Variants in SAMD9L observed in about 807,000 individuals in gnomAD.
SAMD9L encodes sterile alpha motif domain-containing protein 9-like.
A neutral mutation model predicts 90.7 loss-of-function variants in SAMD9L; 68 were observed. The ratio of observed to expected loss-of-function variants is 0.75; its 90% CI spans 0.62 to 0.92. The LOEUF is 0.92. Ranked by LOEUF, SAMD9L falls within the 40% of genes least tolerant of loss-of-function variation. The probability of loss-of-function intolerance (pLI) is 0.00; values close to 1 mark genes in which losing one functional copy is unlikely to be tolerated. For synonymous variants in SAMD9L, 640 were observed against 630.1 expected (o/e 1.02, Z -0.23); for missense variants, 1,604 against 1,824.3 (o/e 0.88, Z 2.20).
intron 4 of SAMD9L, 49 bp from the exon 5 acceptor site, chr7:93,136,040 A>C: frequency 1.6e-6 from 2 of 1,219,810 alleles, no homozygotes; most frequent in Non-Finnish European, 2.2e-6. Context: ...CTTTATTTTT[A>C]AAATCACATA....
Position 93,135,063 on chromosome 7 carries a change from A to T in SAMD9L, c.909T>A (p.Phe303Leu), listed in dbSNP as rs759954164. ...TTGGAATAGTATCAACTTCAATGACAAATCTGTCAGATGGTGTATTGTTCT... is the reference window on the plus strand; with the variant it reads ...TTGGAATAGTATCAACTTCAATGACTAATCTGTCAGATGGTGTATTGTTCT... ...LLQNNTPSDRFVIEVDTIPKH... is the reference protein window; with the variant it reads ...LLQNNTPSDRLVIEVDTIPKH... The change falls in exon 5 of 5, where the codon TTT (phenylalanine) becomes TTA (leucine). Residue 303 changes from phenylalanine to leucine, a missense_variant. Transcript: ENST00000318238. The T allele has an allele frequency of 6.2e-7, 1 of 1,613,380 alleles. No individual in the cohort carries two copies.
rs2116488790 is a variant in SAMD9L, at chr7:93,133,638, T to C, written c.2334A>G (p.Ala778=). Residue 778 remains alanine, a synonymous_variant, in exon 5 of 5, where the codon GCA becomes GCG. Transcript: ENST00000318238. ...KNKTTDFAEI[A]EQVINLVTYR... ...AGGTGACCAGATTGATCACTTGCTC[T>C]GCAATTTCTGCAAAATCAGTTGTCT... 6.2e-7 allele frequency: 1 copy of C among 1,613,622 alleles called. No individual in the cohort carries two copies. Among genetic ancestry groups the C allele is most frequent in the Non-Finnish European group, 8.5e-7 (1 of 1,179,796 alleles).
intron 4 of SAMD9L, among the ~76,000 whole-genome samples, chr7:93,137,756 T>A (rs1218998713): frequency 1.7e-4 from 18 of 105,768 alleles, no homozygotes; most frequent in African/African-American, 3.0e-4. Context: ...TTTTTTTTTT[T>A]AATTTAATGT....
At position 93,133,724 on chromosome 7, in the gene SAMD9L, G is replaced by C. The variant is rs1792261982; in HGVS notation, c.2248C>G (p.Leu750Val). 1 of 1,613,504 alleles carries C rather than the reference G, an allele frequency of 6.2e-7. No homozygotes were observed. Among genetic ancestry groups the C allele is most frequent in the Non-Finnish European group, 8.5e-7 (1 of 1,179,840 alleles). ...AAGTCCCAGAGAACATGCATAGCCA[G>C]TGTGGTACCTCCACAGCCTGGATGA... The part of the protein sequence containing the change: ...YHHPGCGGTT[L>V]AMHVLWDLKK... Residue 750 changes from leucine to valine, a missense_variant, in exon 5 of 5, where the codon CTG becomes GTG. Leu to Val is a conservative substitution (Grantham distance 32). Coordinates refer to ENST00000318238, the MANE Select transcript of SAMD9L (RefSeq NM_152703.5).
intron 1 of SAMD9L, 138 bp from the exon 2 acceptor site, chr7:93,147,284 CCTTGA>C (rs745822450): frequency 5.9e-5 from 9 of 152,276 alleles, no homozygotes; most frequent in Middle Eastern, 3.4e-3. Flanking sequence ...TTTGTGATTG[CCTTGA>C]CTTAAGTCTT....
chr7:93,142,694 G>A (rs188024923), intron 4 of SAMD9L, among the ~76,000 whole-genome samples: 3 of 152,168 alleles, frequency 2.0e-5, no homozygotes, highest in Admixed American at 6.5e-5. Context: ...TAGGTCCTCA[G>A]TAAGCCAGAA....
chr7:93,132,420 C>T lies in SAMD9L; in HGVS notation c.3552G>A (p.Lys1184=), dbSNP rs778963337. The change falls in exon 5 of 5, where the codon AAG becomes AAA. Residue 1184 remains lysine (K), a synonymous_variant. Coordinates refer to ENST00000318238, the MANE Select transcript of SAMD9L (RefSeq NM_152703.5). ...TATACATGTCATATCGTCTCTGGGA[C>T]TTCTGTGGTGACCAGTTCTCGGTTT... is the stretch of plus-strand genomic sequence containing the variant. ...NYETENWSPQ[K]SQRRYDMYNT... is the part of the protein sequence containing the mutation. 2 of 1,613,572 alleles carry T rather than the reference C, an allele frequency of 1.2e-6. No individual in the cohort carries two copies. Among genetic ancestry groups the T allele is most frequent in the African/African-American group, 2.7e-5 (2 of 74,882 alleles).
chr7:93,132,947 A>C lies in SAMD9L; in HGVS notation c.3025T>G (p.Cys1009Gly), dbSNP rs754107250. 3.3e-5 allele frequency: 54 copies of C among 1,613,412 alleles called. No individual in the cohort carries two copies. The highest frequency in any genetic ancestry group is 3.6e-5 in the Non-Finnish European group (42 of 1,179,740). The change falls in exon 5 of 5, where the codon TGT (cysteine) becomes GGT (glycine). Residue 1009 changes from cysteine to glycine, a missense_variant. Around this residue, in one of 7 missense-constraint regions of SAMD9L, gnomAD observed 302 missense variants for 314.7 expected, o/e 0.96. Transcript: ENST00000318238. ...TCTAATATATTCAATGCAATTTGAC[A>C]TTTATCCAAGTGATAGCTTCTTTCC... ...ELERSYHLDK[C>G]QIALNILEEN...
intron 4 of SAMD9L, among the ~76,000 whole-genome samples, chr7:93,137,719 G>C (rs919003548): frequency 7.0e-6 from 1 of 142,540 alleles, no homozygotes; most frequent in African/African-American, 2.6e-5. Context: ...GGTTCCTTAG[G>C]TTTAAGGAAC....
In SAMD9L at chr7:93,132,957, G is replaced by A; in HGVS notation, c.3015C>T (p.His1005=). ...YCLKELERSY[H]LDKCQIALNI... is the part of the protein sequence containing the mutation. ...TCAATGCAATTTGACATTTATCCAA[G>A]TGATAGCTTCTTTCCAGTTCTTTTA... Residue 1005 remains histidine, a synonymous_variant, in exon 5 of 5, where the codon CAC becomes CAT. Transcript: ENST00000318238. 6.2e-7 allele frequency: 1 copy of A among 1,613,390 alleles called. No homozygotes were observed. Among genetic ancestry groups the A allele is most frequent in the Non-Finnish European group, 8.5e-7 (1 of 1,179,640 alleles).
In SAMD9L at chr7:93,133,976, C is replaced by T. The variant is rs756104818; in HGVS notation, c.1996G>A (p.Glu666Lys). ...LEILCENECTETDIEKDKSKF... is the reference protein window; with the variant it reads ...LEILCENECTKTDIEKDKSKF... ...GATTTGTCTTTCTCGATGTCTGTCT[C>T]TGTACACTCATTTTCACAGAGGATT... The change falls in exon 5 of 5, where the codon GAG becomes AAG. Residue 666 changes from glutamate (E) to lysine (K), a missense_variant. Around this residue, in one of 7 missense-constraint regions of SAMD9L, gnomAD observed 606 missense variants for 717.6 expected, o/e 0.84. Coordinates refer to ENST00000318238, the MANE Select transcript of SAMD9L (RefSeq NM_152703.5). 13 of 1,613,550 alleles carry T rather than the reference C, an allele frequency of 8.1e-6. No individual in the cohort carries two copies. The highest frequency in any genetic ancestry group is 1.1e-5 in the Non-Finnish European group (13 of 1,179,800).
rs1391204047 is a variant in SAMD9L at position 93,148,369 on chromosome 7, T to C, written c.-1218A>G. 6.6e-6 allele frequency: 1 copy of C among 152,192 alleles called. No homozygotes were observed. The highest frequency in any genetic ancestry group is 2.4e-5 in the African/African-American group (1 of 41,438). The allele number at this position is 152,192 out of a possible 1,614,324, so 9.4% of individuals were successfully genotyped here. On this transcript the variant is annotated 5_prime_UTR_variant, in exon 1 of 5. Transcript: ENST00000318238. ...CTGTTCTCCCAGTACTCTGACTTTCTGAGGGTGTGTCAGAGTGCCAGTTGA... is the reference window on the plus strand; with the variant it reads ...CTGTTCTCCCAGTACTCTGACTTTCCGAGGGTGTGTCAGAGTGCCAGTTGA...
In SAMD9L at chr7:93,131,896, C is replaced by G; in HGVS notation, c.4076G>C (p.Ser1359Thr). The stretch of plus-strand genomic sequence containing the variant: ...TAGGAAGGCATATTCATTCACTATA[C>G]TTTCCATGGTGGTAGCATCTTTGTA... ...PNYKDATTME[S>T]IVNEYAFLLQ... is the part of the protein sequence containing the mutation. Residue 1359 changes from serine to threonine, a missense_variant, in exon 5 of 5, where the codon AGT (serine) becomes ACT (threonine). By Grantham distance (58) the Ser-to-Thr change is moderately conservative. This residue lies in a region of SAMD9L where 282 missense variants were observed against 329.6 expected (regional missense o/e 0.86). Coordinates refer to ENST00000318238, the MANE Select transcript of SAMD9L (RefSeq NM_152703.5). 6.2e-7 allele frequency: 1 copy of G among 1,612,558 alleles called. No individual in the cohort carries two copies. The highest frequency in any genetic ancestry group is 8.5e-7 in the Non-Finnish European group (1 of 1,179,864).
chr7:93,145,103 C>T (rs967974195), intron 3 of SAMD9L, among the ~76,000 whole-genome samples: 4 of 152,164 alleles, frequency 2.6e-5, no homozygotes, highest in Admixed American at 6.5e-5. Context: ...TTTAGCCTCA[C>T]CCCAGAGCTT....
At chr7:93,136,808 C>T (rs1474127019) in intron 4 of SAMD9L, among the ~76,000 whole-genome samples, 3 of 152,156 alleles carry the variant, frequency 2.0e-5, no homozygotes, top group African/African-American at 4.8e-5. Flanking sequence ...GCATTCCACA[C>T]CTGAGACTGC....
chr7:93,133,491 C>G lies in SAMD9L; in HGVS notation c.2481G>C (p.Leu827Phe). Residue 827 changes from leucine to phenylalanine, a missense_variant, in exon 5 of 5, where the codon TTG becomes TTC. By Grantham distance (22) the Leu-to-Phe change is conservative (BLOSUM62 0). Around this residue, in one of 7 missense-constraint regions of SAMD9L, gnomAD observed 606 missense variants for 717.6 expected, o/e 0.84. Coordinates refer to ENST00000318238, the MANE Select transcript of SAMD9L (RefSeq NM_152703.5). The stretch of plus-strand genomic sequence containing the variant: ...TAATTACCAATGTTTTTTCATATCG[C>G]AAATCCTTTTCTGCTAAAACGGAAT... ...AIHSVLAEKD[L>F]RYEKTLVIIL... 1.2e-6 allele frequency: 2 copies of G among 1,612,006 alleles called. No homozygotes were observed. Among genetic ancestry groups the G allele is most frequent in the South Asian group, 2.2e-5 (2 of 90,502 alleles).
Position 93,133,770 on chromosome 7 carries a change from TG to T in SAMD9L, c.2201del (p.Ala734GlufsTer25). ...GATGATGATAAAGATTGATGATTTT[TG>T]CAAATATTGGTTTAGGAGACTCTGC... ...CWAESPKPIF[A>X]KIINLYHHPG... On this transcript the variant is annotated frameshift_variant, in exon 5 of 5. Transcript: ENST00000318238. LOFTEE classifies it high-confidence loss of function. 1 of 1,613,930 alleles carries T rather than the reference TG, an allele frequency of 6.2e-7. No homozygotes were observed. Among genetic ancestry groups the T allele is most frequent in the Non-Finnish European group, 8.5e-7 (1 of 1,179,908 alleles).
Position 93,131,799 on chromosome 7 carries a change from A to G in SAMD9L, c.4173T>C (p.Ser1391=). 6.2e-7 allele frequency: 1 copy of G among 1,613,410 alleles called. No homozygotes were observed. Among genetic ancestry groups the G allele is most frequent in the Non-Finnish European group, 8.5e-7 (1 of 1,179,848 alleles). Residue 1391 remains serine, a synonymous_variant, in exon 5 of 5, where the codon AGT becomes AGC. Transcript: ENST00000318238. The stretch of plus-strand genomic sequence containing the variant: ...TTAACTTGGAGTTGGGCTTTAGACA[A>G]CTCAGAATAATGTTGGCCAAAATGG... The part of the protein sequence containing the change: ...QNSILANIIL[S]CLKPNSKLIQ...
intron 4 of SAMD9L, among the ~76,000 whole-genome samples, chr7:93,139,240 TG>T (rs1259352242): frequency 7.9e-5 from 12 of 152,186 alleles, no homozygotes; most frequent in Admixed American, 7.9e-4. Flanking sequence ...ACTTTTATCT[TG>T]ACATCAACCC....
Sources: allele counts gnomAD v4.1 joint callset (sites outside exome capture counted in the v4.1 genomes callset), GRCh38; gene constraint gnomAD v4.1.1; regional missense constraint gnomAD v4.1.1; transcripts MANE v1.5; gene names NCBI Gene and HGNC (gene_info 2026-07-23, HGNC 2026-07-21).